The following PLD1 variants were observed in gnomAD, a reference collection of about 807,000 sequenced individuals.
PLD1 encodes choline phosphatase 1.
Under a neutral mutation model 137.1 loss-of-function variants are expected in PLD1, and 112 were observed. The ratio of observed to expected loss-of-function variants is 0.82; its 90% confidence interval spans 0.70 to 0.96. The LOEUF is 0.96. Ranked by LOEUF, PLD1 falls within the 40% of genes least tolerant of loss-of-function variation. The pLI, the probability that PLD1 is intolerant of heterozygous loss-of-function variation, is 0.00. For synonymous variants in PLD1, 431 were observed against 454.7 expected (o/e 0.95, Z 0.66); for missense variants, 1,321 against 1,342.0 (o/e 0.98, Z 0.24).
At chr3:171,669,151 C>G (rs1712470351) in intron 19 of PLD1, among the ~76,000 whole-genome samples, 1 of 152,152 alleles carries the variant, frequency 6.6e-6, no homozygotes, top group Non-Finnish European at 1.5e-5. Flanking sequence ...GCCGTAGCTC[C>G]CCTCTCCCTG....
intron 13 of PLD1, among the ~76,000 whole-genome samples, chr3:171,690,755 T>G (rs1489109254): frequency 6.6e-6 from 1 of 152,234 alleles, no homozygotes; most frequent in African/African-American, 2.4e-5. Flanking sequence ...GCCTAACAGA[T>G]GGTCCTGGAA....
chr3:171,642,977 T>C (rs958420571), intron 22 of PLD1, 88 bp from the exon 23 acceptor site: 8 of 748,254 alleles, frequency 1.1e-5, no homozygotes, highest in Non-Finnish European at 1.9e-5. Flanking sequence ...CTAACACAAG[T>C]AAAAACAGAA....
intron 1 of PLD1, among the ~76,000 whole-genome samples, chr3:171,757,682 A>G (rs1415098498): frequency 6.6e-6 from 1 of 152,228 alleles, no homozygotes; most frequent in Non-Finnish European, 1.5e-5. Flanking sequence ...TGCCTTTGAT[A>G]TCATTCAGTT....
rs547298409 is a variant in PLD1, at chr3:171,669,401, CT to C, written c.2229+5098del. ...GAAATGTTAACTTCTTTGTTGCAAA[CT>C]TTTTTTGTTTTTGTTTTTTAGACGA... On this transcript the variant is annotated intron_variant, in intron 19 of 26. Coordinates refer to ENST00000351298, the MANE Select transcript of PLD1 (RefSeq NM_002662.5). Among the ~76,000 whole-genome samples the C allele has an allele frequency of 6.1e-3, 927 of 152,168 alleles. 3 individuals are homozygous for C. Among genetic ancestry groups the C allele is most frequent in the Non-Finnish European group, 0.01 (683 of 67,984 alleles).
intron 15 of PLD1, 66 bp downstream of exon 15, chr3:171,687,305 T>C (rs1382750169): frequency 2.4e-6 from 3 of 1,276,202 alleles, no homozygotes; most frequent in Non-Finnish European, 3.4e-6. Context: ...AAAACAGGTA[T>C]GTAGTGTCTG....
chr3:171,730,266 A>C (rs889429207), intron 6 of PLD1, among the ~76,000 whole-genome samples: 4 of 152,114 alleles, frequency 2.6e-5, no homozygotes, highest in African/African-American at 9.7e-5. Flanking sequence ...ATTTTTTTAC[A>C]TATTTATGCT....
chr3:171,733,449 C>CA lies in PLD1; in HGVS notation c.600dup (p.Ala201CysfsTer7). 1 of 1,245,760 alleles carries CA rather than the reference C, an allele frequency of 8.0e-7. No individual in the cohort carries two copies. The highest frequency in any genetic ancestry group is 1.2e-6 in the Non-Finnish European group (1 of 851,328). The allele number at this position is 1,245,760 out of a possible 1,614,324, so 77.2% of individuals were successfully genotyped here. A position where few individuals can be genotyped will look rare whatever the true frequency, so the allele number is the denominator to read the frequency against. ...AATCACTGACTAGTACTTACTGTGG[C>CA]ATGATAGTTTCTATACATGGGCATT... On this transcript the variant is annotated frameshift_variant, in exon 6 of 27. Transcript: ENST00000351298. LOFTEE classifies it high-confidence loss of function.
intron 23 of PLD1, among the ~76,000 whole-genome samples, chr3:171,621,806 TC>T: frequency 6.6e-6 from 1 of 152,294 alleles, no homozygotes; most frequent in East Asian, 1.9e-4. Flanking sequence ...AAGAATCACC[TC>T]CTTTTTTAAG....
chr3:171,770,206 A>C (rs1722246176), intron 1 of PLD1, among the ~76,000 whole-genome samples: 1 of 152,206 alleles, frequency 6.6e-6, no homozygotes, highest in Non-Finnish European at 1.5e-5. Context: ...GCTGTTCTTT[A>C]ATCCTCGGGT....
At chr3:171,656,467 A>T (rs1737213697) in intron 21 of PLD1, among the ~76,000 whole-genome samples, 1 of 152,246 alleles carries the variant, frequency 6.6e-6, no homozygotes, top group Non-Finnish European at 1.5e-5. Flanking sequence ...CACCATGCCC[A>T]GCCTAATTTT....
At chr3:171,746,390 A>G (rs1489711936) in intron 1 of PLD1, among the ~76,000 whole-genome samples, 1 of 152,258 alleles carries the variant, frequency 6.6e-6, no homozygotes, top group Non-Finnish European at 1.5e-5. Context: ...GGAGGATCCT[A>G]TATGCACCAA....
At chr3:171,663,743 C>CAGA (rs1711780807) in intron 19 of PLD1, among the ~76,000 whole-genome samples, 1 of 152,120 alleles carries the variant, frequency 6.6e-6, no homozygotes. Context: ...GCATGACACA[C>CAGA]AGAAGAATTA....
chr3:171,660,633 C>T (rs1231146766), intron 20 of PLD1, among the ~76,000 whole-genome samples: 1 of 151,954 alleles, frequency 6.6e-6, no homozygotes, highest in African/African-American at 2.4e-5. Context: ...GAGATGGAGT[C>T]TCACTTTTGT....
intron 3 of PLD1, among the ~76,000 whole-genome samples, chr3:171,736,006 C>G (rs547463386): frequency 6.6e-6 from 1 of 152,132 alleles, no homozygotes; most frequent in Admixed American, 6.5e-5. Context: ...AAATATAAGC[C>G]GTGCACCAGG....
rs755037622 is a variant in PLD1 at position 171,699,741 on chromosome 3, A to G, written c.1227+4T>C. On this transcript the variant is annotated splice_donor_region_variant and intron_variant, in intron 12 of 26. Transcript: ENST00000351298. ...ATATCAGCATTTTCTGGGAAAGTAC[A>G]TACTGCTTTTCGTTTAAGAATGCAG... 4 of 1,602,168 alleles carry G rather than the reference A, an allele frequency of 2.5e-6. No homozygotes were observed. In the South Asian group the frequency reaches 3.3e-5, roughly 13 times the overall value.
At chr3:171,644,875 G>T in intron 22 of PLD1, 35 bp downstream of exon 22, 1 of 1,302,376 alleles carries the variant, frequency 7.7e-7, no homozygotes, top group South Asian at 1.2e-5. Flanking sequence ...ATGCATGACC[G>T]AAAGCTCAAA....
chr3:171,684,274 T>A (rs984603130), intron 16 of PLD1, among the ~76,000 whole-genome samples: 10 of 152,256 alleles, frequency 6.6e-5, no homozygotes, highest in African/African-American at 1.9e-4. Flanking sequence ...ATAATCTTCA[T>A]GGGTTGGCAA....
chr3:171,640,626 G>C (rs1021392889), intron 23 of PLD1, among the ~76,000 whole-genome samples: 2 of 152,198 alleles, frequency 1.3e-5, no homozygotes, highest in African/African-American at 2.4e-5. Flanking sequence ...ACATGCTCAG[G>C]CATGCAGTTT....
chr3:171,606,440 A>G (rs994829312), intron 25 of PLD1, among the ~76,000 whole-genome samples: 2 of 152,218 alleles, frequency 1.3e-5, no homozygotes, highest in African/African-American at 4.8e-5. Flanking sequence ...GTCCTCATGC[A>G]CATGCTCATA....
Sources: gnomAD v4.1 joint callset for allele counts (sites outside exome capture counted in the v4.1 genomes callset) on GRCh38, gnomAD v4.1.1 for gene constraint, MANE v1.5 for transcripts, NCBI Gene and HGNC (gene_info 2026-07-23, HGNC 2026-07-21) for gene names.